Variants in PRKX observed in about 807,000 individuals in gnomAD.
PRKX encodes the protein cAMP-dependent protein kinase catalytic subunit PRKX.
PRKX carries 12 observed loss-of-function variants against 22.0 expected under a neutral mutation model. That is an observed-to-expected ratio of 0.54 (90% CI 0.35 to 0.88). The LOEUF (loss-of-function observed/expected upper bound fraction) is 0.88. Ranked by LOEUF, PRKX falls within the 40% of genes least tolerant of loss-of-function variation. The pLI, the probability that PRKX is intolerant of heterozygous loss-of-function variation, is 0.01. For missense variants in PRKX, 217 were observed against 308.0 expected, an observed-to-expected ratio of 0.70 and a Z score of 2.21; for synonymous variants, 134 against 137.7, an observed-to-expected ratio of 0.97 and a Z score of 0.19.
chrX:3,697,793 C>T (rs1160127843), intron 1 of PRKX, among the ~76,000 whole-genome samples: 1 of 111,551 alleles, frequency 9.0e-6, no homozygotes, highest in Non-Finnish European at 1.9e-5. Context: ...TCAAGCAGTC[C>T]TCCCGCCTCG....
intron 2 of PRKX, among the ~76,000 whole-genome samples, chrX:3,673,031 A>G (rs933612993): frequency 4.5e-5 from 5 of 110,765 alleles, no homozygotes; most frequent in African/African-American, 1.6e-4. Context: ...GGAAGGGAGG[A>G]AGGGAGCCAC....
At chrX:3,655,514 G>T in intron 2 of PRKX, 102 bp from the exon 3 acceptor site, 2 of 939,216 alleles carry the variant, frequency 2.1e-6, no homozygotes, top group Non-Finnish European at 3.0e-6. Flanking sequence ...ATACCAAAAT[G>T]TGTGTACAGA....
intron 1 of PRKX, among the ~76,000 whole-genome samples, chrX:3,707,493 G>A (rs1442079481): frequency 9.0e-6 from 1 of 111,192 alleles, no homozygotes; most frequent in Non-Finnish European, 1.9e-5. Context: ...AGAGGTCCCT[G>A]CACACTTGGC....
chrX:3,674,699 C>T lies in PRKX; in HGVS notation c.234G>A (p.Lys78=). ...GGATGACGTCGGGAATGCTCATCACCTTGAGGGCGAAGAAATGCTTGGCTG... is the reference window on the plus strand; with the variant it reads ...GGATGACGTCGGGAATGCTCATCACTTTGAGGGCGAAGAAATGCTTGGCTG... ...EKTAKHFFAL[K]VMSIPDVIRL... is the part of the protein sequence containing the mutation. The change falls in exon 2 of 9, where the codon AAG becomes AAA. Residue 78 remains lysine, a synonymous_variant. Transcript: ENST00000262848. 8.3e-7 allele frequency: 1 copy of T among 1,211,338 alleles called. No individual in the cohort carries two copies. The highest frequency in any genetic ancestry group is 1.7e-5 in the African/African-American group (1 of 57,791).
intron 3 of PRKX, among the ~76,000 whole-genome samples, chrX:3,651,318 T>C (rs6641822): frequency 0.31 from 34,332 of 111,480 alleles, 4,441 homozygotes; most frequent in East Asian, 0.6. Context: ...ATGAATTAAC[T>C]GGACAGTAAC....
intron 3 of PRKX, among the ~76,000 whole-genome samples, chrX:3,654,172 A>G (rs1269011553): frequency 1.1e-5 from 1 of 92,618 alleles, no homozygotes; most frequent in African/African-American, 4.0e-5. Context: ...GGTATGCTAT[A>G]TAATATATAT....
intron 4 of PRKX, among the ~76,000 whole-genome samples, chrX:3,627,520 G>A (rs951506749): frequency 1.6e-4 from 17 of 108,195 alleles, no homozygotes; most frequent in African/African-American, 4.0e-4. Context: ...GGAGTGCAGC[G>A]GTGCAATCTC....
At chrX:3,699,043 ATT>A (rs1162048420) in intron 1 of PRKX, among the ~76,000 whole-genome samples, 1 of 60,842 alleles carries the variant, frequency 1.6e-5, no homozygotes. Context: ...TTTTTATTTT[ATT>A]TTTTTTTTTG....
At chrX:3,648,504 C>T (rs540195338) in intron 3 of PRKX, among the ~76,000 whole-genome samples, 2 of 106,877 alleles carry the variant, frequency 1.9e-5, no homozygotes, top group South Asian at 8.3e-4. Flanking sequence ...ACTCAAGAAA[C>T]AAATGGGCAA....
intron 4 of PRKX, among the ~76,000 whole-genome samples, chrX:3,635,300 C>T (rs1926865655): frequency 9.0e-6 from 1 of 111,560 alleles, no homozygotes; most frequent in Admixed American, 9.5e-5. Flanking sequence ...GGCTCCACTG[C>T]AGCCAAATTC....
At chrX:3,707,040 T>C (rs1031405530) in intron 1 of PRKX, among the ~76,000 whole-genome samples, 2 of 111,553 alleles carry the variant, frequency 1.8e-5, no homozygotes, top group African/African-American at 6.5e-5. Context: ...GGTGGGAAGA[T>C]TGCTTGAGCC....
At chrX:3,689,037 A>G (rs1928241388) in intron 1 of PRKX, among the ~76,000 whole-genome samples, 1 of 112,394 alleles carries the variant, frequency 8.9e-6, no homozygotes, top group South Asian at 3.6e-4. Context: ...GCATTTCACT[A>G]TATAACTTTC....
chrX:3,654,929 G>T (rs1003134622), intron 3 of PRKX, among the ~76,000 whole-genome samples: 7 of 111,399 alleles, frequency 6.3e-5, no homozygotes, highest in African/African-American at 2.3e-4. Flanking sequence ...GCCAGTGAAG[G>T]AGACTGACTT....
At chrX:3,624,630 C>A (rs1926624469) in intron 5 of PRKX, among the ~76,000 whole-genome samples, 1 of 109,348 alleles carries the variant, frequency 9.1e-6, no homozygotes, top group South Asian at 4.0e-4. Context: ...ATTATTTTTT[C>A]TTTTCTTGAC....
At chrX:3,650,476 G>GCAC (rs1222357865) in intron 3 of PRKX, among the ~76,000 whole-genome samples, 1 of 79,174 alleles carries the variant, frequency 1.3e-5, no homozygotes. Context: ...AGCCGAGATC[G>GCAC]CACCACTGCA....
intron 1 of PRKX, among the ~76,000 whole-genome samples, chrX:3,699,507 C>T (rs1237693013): frequency 9.0e-6 from 1 of 110,520 alleles, no homozygotes; most frequent in Non-Finnish European, 1.9e-5. Flanking sequence ...CACCTGCCAC[C>T]ACGCCCAGCT....
At chrX:3,680,183 G>A (rs1928043144) in intron 1 of PRKX, among the ~76,000 whole-genome samples, 3 of 109,809 alleles carry the variant, frequency 2.7e-5, no homozygotes, top group African/African-American at 6.7e-5. Context: ...TCACTCTGTC[G>A]CCCAGGCTGG....
intron 6 of PRKX, among the ~76,000 whole-genome samples, chrX:3,618,316 ATC>A: frequency 9.0e-6 from 1 of 111,143 alleles, no homozygotes; most frequent in Middle Eastern, 4.7e-3. Flanking sequence ...ATTCTCAAGA[ATC>A]TCTGGAAGAG....
intron 4 of PRKX, among the ~76,000 whole-genome samples, chrX:3,634,611 G>A (rs1167723692): frequency 4.5e-5 from 5 of 111,785 alleles, no homozygotes; most frequent in African/African-American, 6.5e-5. Context: ...CAGACAGAGG[G>A]AGGAGAGGCC....
Sources: gnomAD v4.1 joint callset for allele counts (sites outside exome capture counted in the v4.1 genomes callset) on GRCh38, gnomAD v4.1.1 for gene constraint, MANE v1.5 for transcripts, NCBI Gene and HGNC (gene_info 2026-07-23, HGNC 2026-07-21) for gene names.